The following DNAH12 variants were observed in gnomAD, a reference collection of about 807,000 sequenced individuals.
DNAH12 encodes the protein dynein axonemal heavy chain 12.
In DNAH12, 285 loss-of-function variants were observed where a neutral mutation model predicts 371.5. The ratio of observed to expected loss-of-function variants is 0.77; its 90% CI spans 0.70 to 0.85. The LOEUF (loss-of-function observed/expected upper bound fraction) is 0.85, where lower values mean the gene tolerates loss of function less well. Among genes scored for constraint, DNAH12 ranks in the 40% least tolerant of loss-of-function variants. The pLI is 0.00. For synonymous variants in DNAH12, 1,200 were observed against 1,213.0 expected, an observed-to-expected ratio of 0.99 and a Z score of 0.22; for missense variants, 3,611 against 3,689.4, an observed-to-expected ratio of 0.98 and a Z score of 0.55.
At chr3:57,494,797 T>G (rs2067253318) in intron 11 of DNAH12, among the ~76,000 whole-genome samples, 2 of 152,040 alleles carry the variant, frequency 1.3e-5, no homozygotes, top group South Asian at 4.2e-4. Flanking sequence ...TCGCTTGAGC[T>G]CAGGAGTTTG....
At chr3:57,527,993 A>G (rs2068706434) in intron 2 of DNAH12, among the ~76,000 whole-genome samples, 1 of 150,560 alleles carries the variant, frequency 6.6e-6, no homozygotes, top group African/African-American at 2.5e-5. Flanking sequence ...GTTTTCTTGT[A>G]GTAGTTTCGT....
chr3:57,523,351 C>T (rs1392072042), intron 4 of DNAH12, among the ~76,000 whole-genome samples: 1 of 152,132 alleles, frequency 6.6e-6, no homozygotes, highest in Non-Finnish European at 1.5e-5. Flanking sequence ...CCACTGCCCT[C>T]CAGCCTTGGT....
At position 57,405,756 on chromosome 3, in the gene DNAH12, T is replaced by C. The variant is rs1199293612; in HGVS notation, c.6473A>G (p.Asp2158Gly). 6 of 1,551,538 alleles carry C rather than the reference T, an allele frequency of 3.9e-6. No homozygotes were observed. In the Admixed American group the frequency reaches 1.2e-4, roughly 30 times the overall value. The change falls in exon 41 of 74, where the codon GAT becomes GGT. Residue 2158 changes from aspartate to glycine, a missense_variant. Transcript: ENST00000495027. ...RVFYDRLIND[D>G]DRRWLFQLTK... is the part of the protein sequence containing the mutation. ...TAACTGGAACAGCCATCTTCGATCA[T>C]CATCATTAATGAGGCGATCATAAAA...
chr3:57,317,875 A>T (rs768057927), intron 65 of DNAH12, among the ~76,000 whole-genome samples: 2 of 151,986 alleles, frequency 1.3e-5, no homozygotes, highest in African/African-American at 4.8e-5. Flanking sequence ...GTATGAGATG[A>T]TATCTCATTG....
At chr3:57,413,476 T>A (rs7648660) in intron 39 of DNAH12, among the ~76,000 whole-genome samples, 132,827 of 152,068 alleles carry the variant, frequency 0.87, 58,479 homozygotes, top group African/African-American at 0.92. Context: ...AGGCTTATCA[T>A]TTGTAACAAA....
In DNAH12 at chr3:57,452,913, G is replaced by A; in HGVS notation, c.3716C>T (p.Ala1239Val). ...VRIINCNVKYAYEYLGNSPRL... is the reference protein window; with the variant it reads ...VRIINCNVKYVYEYLGNSPRL... ...AGGTGAGTTACCAAGATATTCATAAGCATATTTTACATTGCAATTAATGAT... is the reference window on the plus strand; with the variant it reads ...AGGTGAGTTACCAAGATATTCATAAACATATTTTACATTGCAATTAATGAT... Residue 1239 changes from alanine (A) to valine (V), a missense_variant, in exon 25 of 74, where the codon GCT becomes GTT. This residue lies in a region of DNAH12 where 2,266 missense variants were observed against 2,236.9 expected (regional missense o/e 1.01). Coordinates refer to ENST00000495027, the MANE Select transcript of DNAH12 (RefSeq NM_001366028.2). The A allele has an allele frequency of 6.4e-7, 1 of 1,551,382 alleles. No individual in the cohort carries two copies. The highest frequency in any genetic ancestry group is 1.4e-5 in the African/African-American group (1 of 73,150).
Position 57,534,487 on chromosome 3 carries a change from G to A in DNAH12, c.170+8214C>T, listed in dbSNP as rs566257647. 8.3e-5 allele frequency among the ~76,000 whole-genome samples: 12 copies of A among 145,006 alleles called. No homozygotes were observed. In the South Asian group the frequency reaches 2.2e-3, roughly 26 times the overall value. ...ACCACCATGATCACTTTCTGAGGTA[G>A]CCCAATTTATTGTTAGCTAGCTTTT... is the stretch of plus-strand genomic sequence containing the variant. On this transcript the variant is annotated intron_variant, in intron 2 of 73. Coordinates refer to ENST00000495027, the MANE Select transcript of DNAH12 (RefSeq NM_001366028.2).
At chr3:57,540,771 A>G (rs1390104310) in intron 2 of DNAH12, among the ~76,000 whole-genome samples, 2 of 151,954 alleles carry the variant, frequency 1.3e-5, no homozygotes, top group African/African-American at 4.8e-5. Flanking sequence ...CTCTTCAAAA[A>G]TACAAAAAAT....
chr3:57,551,357 C>CG, the DNAH12 span, among the ~76,000 whole-genome samples: 3 of 151,764 alleles, frequency 2.0e-5, no homozygotes, highest in Admixed American at 6.6e-5. Context: ...CTGCAAGCTC[C>CG]GCCTCCCGGG....
In DNAH12 at chr3:57,468,568, C is replaced by A. The variant is rs2066271789; in HGVS notation, c.2349+168G>T. ...AGGTGGCAGTGGCAGTGAGTCACCA[C>A]TACACTCCAGCCTGGGAAATAGAGC... On this transcript the variant is annotated intron_variant, in intron 17 of 73. Coordinates refer to ENST00000495027, the MANE Select transcript of DNAH12 (RefSeq NM_001366028.2). 4 of 370,262 alleles carry A rather than the reference C, an allele frequency of 1.1e-5. No homozygotes were observed. In the East Asian group the frequency reaches 2.1e-4, roughly 19 times the overall value. The allele number at this position is 370,262 out of a possible 1,614,324, so 22.9% of individuals were successfully genotyped here.
chr3:57,458,426 T>G (rs555995918), intron 20 of DNAH12, among the ~76,000 whole-genome samples: 1 of 152,358 alleles, frequency 6.6e-6, no homozygotes, highest in Admixed American at 6.5e-5. Context: ...CCAAGGACAC[T>G]AGTTAAAATG....
chr3:57,421,844 A>G (rs2064591888), intron 35 of DNAH12, 138 bp from the exon 36 acceptor site: 2 of 768,630 alleles, frequency 2.6e-6, no homozygotes, highest in Admixed American at 5.2e-5. Context: ...AGTAGAATGG[A>G]GCACTGCTAA....
rs1218095360 is a variant in DNAH12, at chr3:57,325,856, T to C, written c.9979-2237A>G. On this transcript the variant is annotated intron_variant, in intron 62 of 73. Coordinates refer to ENST00000495027, the MANE Select transcript of DNAH12 (RefSeq NM_001366028.2). ...ACAAATGTATAATTAGAACAACCAA[T>C]ACAGAGAAGTGCTTAAAGGAGCTGA... Among the ~76,000 whole-genome samples the C allele has an allele frequency of 2.0e-5, 3 of 151,876 alleles. 1 individual carries two copies. The South Asian group carries it at 6.2e-4, about 32-fold the overall frequency.
chr3:57,551,519 C>T, the DNAH12 span, among the ~76,000 whole-genome samples: 2 of 152,072 alleles, frequency 1.3e-5, no homozygotes, highest in Admixed American at 6.6e-5. Context: ...GATCCGCCCG[C>T]CTTGGCTCCC....
intron 12 of DNAH12, among the ~76,000 whole-genome samples, chr3:57,488,235 C>G (rs566285114): frequency 6.6e-6 from 1 of 152,068 alleles, no homozygotes; most frequent in Non-Finnish European, 1.5e-5. Context: ...CACTGTAGCC[C>G]GGGCTGGAGT....
At chr3:57,538,321 AT>A (rs2069138139) in intron 2 of DNAH12, among the ~76,000 whole-genome samples, 1 of 151,424 alleles carries the variant, frequency 6.6e-6, no homozygotes, top group Non-Finnish European at 1.5e-5. Context: ...CTCAGTATTA[AT>A]ACAGCACTAT....
chr3:57,362,326 T>C lies in DNAH12; in HGVS notation c.9360+1268A>G, dbSNP rs1203306813. On this transcript the variant is annotated intron_variant, in intron 58 of 73. Coordinates refer to ENST00000495027, the MANE Select transcript of DNAH12 (RefSeq NM_001366028.2). ...ATTGTGAGTAGTGCCACAATAAACA[T>C]ACGTGTGCATGTGTCTTTATAGTAG... 5.4e-3 allele frequency among the ~76,000 whole-genome samples: 820 copies of C among 152,334 alleles called. 10 individuals are homozygous for C. Among genetic ancestry groups the C allele is most frequent in the African/African-American group, 0.019 (795 of 41,576 alleles).
At chr3:57,461,416 C>T in intron 19 of DNAH12, 73 bp downstream of exon 19, 2 of 1,409,866 alleles carry the variant, frequency 1.4e-6, no homozygotes, top group South Asian at 1.3e-5. Flanking sequence ...CTACTTATTA[C>T]CATGAGAGCG....
At chr3:57,503,949 C>T in intron 9 of DNAH12, 67 bp downstream of exon 9, 1 of 1,288,808 alleles carries the variant, frequency 7.8e-7, no homozygotes, top group East Asian at 2.3e-5. Flanking sequence ...TGTATGTACA[C>T]ATACACTGCA....
Sources: gnomAD v4.1 joint callset for allele counts (sites outside exome capture counted in the v4.1 genomes callset) on GRCh38, gnomAD v4.1.1 for gene constraint, gnomAD v4.1.1 regional missense constraint, MANE v1.5 for transcripts, NCBI Gene and HGNC (gene_info 2026-07-23, HGNC 2026-07-21) for gene names.